FBXW8: variants seen among roughly 807,000 people sequenced by gnomAD.
FBXW8 encodes the protein F-box and WD repeat domain containing 8, also known as F-box/WD repeat-containing protein 8.
FBXW8 carries 57 observed loss-of-function variants against 65.3 expected under a neutral mutation model. The observed-to-expected ratio is 0.87, with a 90% confidence interval of 0.71 to 1.09. FBXW8 has a LOEUF of 1.09. FBXW8 is among the 50% of genes least tolerant of loss of function. FBXW8 has a pLI of 0.00. For missense variants in FBXW8, 777 were observed against 814.8 expected (o/e 0.95, Z 0.57); for synonymous variants, 308 against 330.2 (o/e 0.93, Z 0.73).
chr12:117,006,010 C>T (rs1337085106), intron 7 of FBXW8, among the ~76,000 whole-genome samples: 1 of 152,178 alleles, frequency 6.6e-6, no homozygotes, highest in Non-Finnish European at 1.5e-5. Context: ...AACAAATCAT[C>T]TTCAATTGAA....
At position 117,030,960 on chromosome 12, in the gene FBXW8, T is replaced by C. The variant is rs1954344614; in HGVS notation, c.*2788T>C. 6.8e-6 allele frequency: 1 copy of C among 147,118 alleles called. No individual in the cohort carries two copies. The highest frequency in any genetic ancestry group is 1.5e-5 in the Non-Finnish European group (1 of 67,666). 9.1% of individuals were successfully genotyped at this position (147,118 alleles called of 1,614,324 possible). A position where few individuals can be genotyped will look rare whatever the true frequency, so the allele number is the denominator to read the frequency against. ...TTAGCCAATTGATCCTCTACTTTCC[T>C]TCTTTAGTCCCTCTCAGGGACGCCT... On this transcript the variant is annotated 3_prime_UTR_variant, in exon 11 of 11. Coordinates refer to ENST00000652555, the MANE Select transcript of FBXW8 (RefSeq NM_153348.3).
chr12:116,993,457 G>T (rs1235963953), intron 7 of FBXW8, among the ~76,000 whole-genome samples: 3 of 152,044 alleles, frequency 2.0e-5, no homozygotes, highest in Non-Finnish European at 4.4e-5. Flanking sequence ...GTATCTTATT[G>T]TGGTTTTAAT....
intron 5 of FBXW8, 98 bp downstream of exon 5, chr12:116,964,952 T>A: frequency 8.2e-7 from 1 of 1,212,756 alleles, no homozygotes; most frequent in Non-Finnish European, 1.1e-6. Context: ...CCTCCATATG[T>A]ACACGTGGGC....
At chr12:116,944,083 G>A (rs1242935332) in intron 2 of FBXW8, among the ~76,000 whole-genome samples, 2 of 152,192 alleles carry the variant, frequency 1.3e-5, no homozygotes, top group African/African-American at 4.8e-5. Flanking sequence ...TCTTCACGAG[G>A]TTGTTGATTT....
chr12:116,985,698 C>G, intron 6 of FBXW8: 1 of 278,442 alleles, frequency 3.6e-6, no homozygotes, highest in Non-Finnish European at 6.8e-6. Context: ...ACTGTGGTTC[C>G]TTGGCCTTCT....
chr12:116,999,237 G>A (rs1440303908), intron 7 of FBXW8, among the ~76,000 whole-genome samples: 1 of 152,224 alleles, frequency 6.6e-6, no homozygotes, highest in African/African-American at 2.4e-5. Context: ...GAGGCTGAAG[G>A]TGCATTAAAA....
At chr12:116,934,209 T>G (rs1881994471) in intron 2 of FBXW8, among the ~76,000 whole-genome samples, 1 of 152,156 alleles carries the variant, frequency 6.6e-6, no homozygotes, top group Non-Finnish European at 1.5e-5. Flanking sequence ...GCTTTATGTT[T>G]TGAAAACTGA....
chr12:116,946,622 G>A (rs142726510), intron 3 of FBXW8, among the ~76,000 whole-genome samples: 384 of 152,202 alleles, frequency 2.5e-3, no homozygotes, highest in Non-Finnish European at 4.0e-3. Context: ...CCACTGTTCT[G>A]AGAGTTAGTG....
At chr12:116,933,545 A>G (rs1036163991) in intron 2 of FBXW8, among the ~76,000 whole-genome samples, 1 of 152,184 alleles carries the variant, frequency 6.6e-6, no homozygotes, top group Non-Finnish European at 1.5e-5. Context: ...ACAGTAGTCC[A>G]ATTGTCCACC....
intron 7 of FBXW8, among the ~76,000 whole-genome samples, chr12:116,999,677 C>T (rs1953463479): frequency 6.6e-6 from 1 of 152,142 alleles, no homozygotes; most frequent in Admixed American, 6.5e-5. Flanking sequence ...GGTAAGGCCC[C>T]GGTGCCCATC....
intron 8 of FBXW8, among the ~76,000 whole-genome samples, chr12:117,018,633 A>T (rs150110507): frequency 6.6e-6 from 1 of 152,164 alleles, no homozygotes; most frequent in Non-Finnish European, 1.5e-5. Flanking sequence ...CTCTAAGGAG[A>T]TGTCAGAAAA....
In FBXW8 at chr12:117,028,784, A is replaced by G. The variant is rs1044863814; in HGVS notation, c.*612A>G. The G allele has an allele frequency of 3.3e-5, 5 of 153,248 alleles. No individual in the cohort carries two copies. Among genetic ancestry groups the G allele is most frequent in the African/African-American group, 1.2e-4 (5 of 41,458 alleles). 9.5% of individuals were successfully genotyped at this position (153,248 alleles called of 1,614,324 possible). On this transcript the variant is annotated 3_prime_UTR_variant, in exon 11 of 11. Coordinates refer to ENST00000652555, the MANE Select transcript of FBXW8 (RefSeq NM_153348.3). The surrounding 1 kb of genome is among the most constrained non-coding windows in gnomAD (Gnocchi z 4.1). ...GTCATCAATGACTATTTTGCTTACT[A>G]TTGTGTCTATGATATGTGATACAAA...
At chr12:116,995,397 G>A (rs1365013629) in intron 7 of FBXW8, among the ~76,000 whole-genome samples, 1 of 152,176 alleles carries the variant, frequency 6.6e-6, no homozygotes, top group Non-Finnish European at 1.5e-5. Context: ...TTTGGCTGTG[G>A]AGTTGTGTTG....
intron 3 of FBXW8, among the ~76,000 whole-genome samples, chr12:116,947,554 A>G (rs1348265994): frequency 2.0e-5 from 3 of 151,932 alleles, no homozygotes; most frequent in African/African-American, 7.3e-5. Context: ...TCCATGGCCA[A>G]TATGGTGAAA....
At position 117,030,165 on chromosome 12, in the gene FBXW8, ATTGC is replaced by A. The variant is rs1411900025; in HGVS notation, c.*1996_*1999del. The A allele has an allele frequency of 6.6e-6, 1 of 152,160 alleles. No homozygotes were observed. The highest frequency in any genetic ancestry group is 1.5e-5 in the Non-Finnish European group (1 of 68,026). 9.4% of individuals were successfully genotyped at this position (152,160 alleles called of 1,614,324 possible). ...ATGAAGGTTCTGGAAGGTTTTTCAG[ATTGC>A]TTAAGATACGCAGCCATTCCATATT... On this transcript the variant is annotated 3_prime_UTR_variant, in exon 11 of 11. Coordinates refer to ENST00000652555, the MANE Select transcript of FBXW8 (RefSeq NM_153348.3).
chr12:116,972,696 G>A (rs1164355771), intron 5 of FBXW8, among the ~76,000 whole-genome samples: 2 of 152,172 alleles, frequency 1.3e-5, no homozygotes, highest in African/African-American at 2.4e-5. Flanking sequence ...GCTCAAGTAC[G>A]GAAAGGGGAT....
chr12:116,929,801 T>C (rs1881628806), intron 2 of FBXW8, among the ~76,000 whole-genome samples: 1 of 152,196 alleles, frequency 6.6e-6, no homozygotes, highest in African/African-American at 2.4e-5. Flanking sequence ...CTCATCTAAC[T>C]GAAATTTTGT....
rs1881001208 is a variant in FBXW8 at position 116,922,783 on chromosome 12, A to C, written c.319-5240A>C. ...TCACTGACTTTAAATTAAATAAGTA[A>C]TATGACCCCTTTGAGTGTGTGTGTG... On this transcript the variant is annotated intron_variant, in intron 1 of 10. Coordinates refer to ENST00000652555, the MANE Select transcript of FBXW8 (RefSeq NM_153348.3). 5.3e-5 allele frequency among the ~76,000 whole-genome samples: 8 copies of C among 152,182 alleles called. No individual in the cohort carries two copies. The South Asian group carries it at 1.7e-3, about 32-fold the overall frequency.
chr12:117,002,591 A>G (rs952425040), intron 7 of FBXW8: 1 of 152,216 alleles, frequency 6.6e-6, no homozygotes, highest in Non-Finnish European at 1.5e-5. Context: ...CCACATGTTC[A>G]CAGATACGGC....
Sources: allele counts gnomAD v4.1 joint callset (sites outside exome capture counted in the v4.1 genomes callset), GRCh38; gene constraint gnomAD v4.1.1; non-coding constraint Gnocchi (gnomAD v3.1); transcripts MANE v1.5; gene names NCBI Gene and HGNC (gene_info 2026-07-23, HGNC 2026-07-21).